SLFN13: variants seen among roughly 807,000 people sequenced by gnomAD.
SLFN13 encodes the protein schlafen family member 13, also known as schlafen-13.
A neutral mutation model predicts 50.6 loss-of-function variants in SLFN13; 43 were observed. The ratio of observed to expected loss-of-function variants is 0.85; its 90% CI spans 0.67 to 1.09. SLFN13 has a LOEUF of 1.09. Ranked by LOEUF, SLFN13 falls within the 50% of genes least tolerant of loss-of-function variation. The pLI is 0.00. For missense variants in SLFN13, 881 were observed against 1,071.1 expected (o/e 0.82, Z 2.48); for synonymous variants, 339 against 386.5 (o/e 0.88, Z 1.44).
In SLFN13 at chr17:35,445,513, T is replaced by A. The variant is rs568387218; in HGVS notation, c.168A>T (p.Ser56=). The A allele has an allele frequency of 1.9e-6, 3 of 1,614,090 alleles. No homozygotes were observed. The African/African-American group carries it at 4.0e-5, about 22-fold the overall frequency. The change falls in exon 3 of 6, where the codon TCA becomes TCT. Residue 56 remains serine, a synonymous_variant. Transcript: ENST00000285013. The stretch of plus-strand genomic sequence containing the variant: ...TTTCCATCTGAATCACTCCTCCTCC[T>A]GAGTTTAATAAAGCACACGCGGCCC... ...VIRAACALLN[S]GGGVIQMEMA...
At chr17:35,444,152 A>G (rs1428147670) in intron 3 of SLFN13, among the ~76,000 whole-genome samples, 1 of 152,130 alleles carries the variant, frequency 6.6e-6, no homozygotes, top group African/African-American at 2.4e-5. Flanking sequence ...CCCCTCTTCC[A>G]TGTTTGAATA....
At position 35,440,364 on chromosome 17, in the gene SLFN13, C is replaced by CT; in HGVS notation, c.*230dup. 5.2e-6 allele frequency: 3 copies of CT among 580,476 alleles called. No homozygotes were observed. Among genetic ancestry groups the CT allele is most frequent in the Non-Finnish European group, 9.1e-6 (3 of 328,984 alleles). 36.0% of individuals were successfully genotyped at this position (580,476 alleles called of 1,614,324 possible). ...CTTTAGAAAACCACCATCTTTCTGG[C>CT]TGCAAGAGTCAGGGGTCAGAATGGG... is the stretch of plus-strand genomic sequence containing the variant. On this transcript the variant is annotated 3_prime_UTR_variant, in exon 6 of 6. Coordinates refer to ENST00000285013, the MANE Select transcript of SLFN13 (RefSeq NM_144682.6).
rs528985270 is a variant in SLFN13 at position 35,441,034 on chromosome 17, G to T, written c.2255C>A (p.Pro752His). ...QQEMQLIIEN[P>H]PINIPHGYLA... Reference sequence around the variant, plus strand: ...ATACCCATGGGGGATATTAATTGGAGGATTTTCTATAATTAGTTGCATTTC... The same window carrying T: ...ATACCCATGGGGGATATTAATTGGATGATTTTCTATAATTAGTTGCATTTC... Residue 752 changes from proline (P) to histidine (H), a missense_variant, in exon 6 of 6, where the codon CCT (proline) becomes CAT (histidine). By Grantham distance (77) the Pro-to-His change is moderately conservative. This residue lies in a region of SLFN13 where 322 missense variants were observed against 327.4 expected (regional missense o/e 0.98). Transcript: ENST00000285013. 1 of 1,613,244 alleles carries T rather than the reference G, an allele frequency of 6.2e-7. No homozygotes were observed. The highest frequency in any genetic ancestry group is 1.3e-5 in the African/African-American group (1 of 75,008).
At chr17:35,448,375 CG>C (rs1913340158) in intron 1 of SLFN13, 1 of 152,242 alleles carries the variant, frequency 6.6e-6, no homozygotes, top group Non-Finnish European at 1.5e-5. Flanking sequence ...GTTTTGCAGC[CG>C]GAACAGGAAC....
At chr17:35,446,119 A>C in intron 2 of SLFN13, 1 of 154,410 alleles carries the variant, frequency 6.5e-6, no homozygotes. Flanking sequence ...CAGATTCTCC[A>C]TGAACATCAA....
Position 35,436,494 on chromosome 17 carries a change from C to CACACA in SLFN13, c.*4096_*4100dup, listed in dbSNP as rs1296140427. On this transcript the variant is annotated 3_prime_UTR_variant, in exon 6 of 6. Transcript: ENST00000285013. ...AACACCCCCCCTCCACACACACACA[C>CACACA]ACACACACTTTATTAATTACAAAAA... 2 of 151,886 alleles carry CACACA rather than the reference C, an allele frequency of 1.3e-5. No individual in the cohort carries two copies. Among genetic ancestry groups the CACACA allele is most frequent in the Non-Finnish European group, 2.9e-5 (2 of 67,956 alleles). 9.4% of individuals were successfully genotyped at this position (151,886 alleles called of 1,614,324 possible).
At position 35,445,405 on chromosome 17, in the gene SLFN13, C is replaced by A; in HGVS notation, c.276G>T (p.Leu92Phe). The change falls in exon 3 of 6, where the codon TTG (leucine) becomes TTT (phenylalanine). Residue 92 changes from leucine (L) to phenylalanine (F), a missense_variant. By Grantham distance (22) the Leu-to-Phe change is conservative (BLOSUM62 0). Transcript: ENST00000285013. ...SLRKLIQYPY[L>F]QAFFETKQHG... ...GTTGCTTAGTCTCAAAGAAAGCCTG[C>A]AAATATGGATACTGAATAAGCTTTC... is the stretch of plus-strand genomic sequence containing the variant. The A allele has an allele frequency of 6.2e-7, 1 of 1,614,154 alleles. No individual in the cohort carries two copies. The highest frequency in any genetic ancestry group is 8.5e-7 in the Non-Finnish European group (1 of 1,180,032).
At position 35,445,746 on chromosome 17, in the gene SLFN13, C is replaced by T; in HGVS notation, c.-13-53G>A. 4 of 1,344,526 alleles carry T rather than the reference C, an allele frequency of 3.0e-6. No individual in the cohort carries two copies. The South Asian group carries it at 4.5e-5, about 15-fold the overall frequency. 83.3% of individuals were successfully genotyped at this position (1,344,526 alleles called of 1,614,324 possible). On this transcript the variant is annotated intron_variant, in intron 2 of 5. Transcript: ENST00000285013. ...TTTTGATTAAAAAATTGTTACAGGCCTGCAATTCATTTATTAGAAAATATT... is the reference window on the plus strand; with the variant it reads ...TTTTGATTAAAAAATTGTTACAGGCTTGCAATTCATTTATTAGAAAATATT...
Position 35,441,572 on chromosome 17 carries a change from T to C in SLFN13, c.1913A>G (p.Asn638Ser). Residue 638 changes from asparagine to serine, a missense_variant, in exon 5 of 6, where the codon AAC (asparagine) becomes AGC (serine). Asn to Ser is a conservative substitution (Grantham distance 46). This residue lies in a region of SLFN13 where 322 missense variants were observed against 327.4 expected (regional missense o/e 0.98). Coordinates refer to ENST00000285013, the MANE Select transcript of SLFN13 (RefSeq NM_144682.6). The part of the protein sequence containing the change: ...LYVCENQPLR[N>S]FISDRNICRA... The stretch of plus-strand genomic sequence containing the variant: ...AGATCCAACTGCTTACCTGATAAAG[T>C]TCCTCAGAGGCTGGTTTTCACAAAC... 1.9e-6 allele frequency: 3 copies of C among 1,607,918 alleles called. No individual in the cohort carries two copies. Among genetic ancestry groups the C allele is most frequent in the Non-Finnish European group, 2.5e-6 (3 of 1,178,730 alleles).
chr17:35,437,175 T>C lies in SLFN13; in HGVS notation c.*3420A>G, dbSNP rs565633015. The C allele has an allele frequency of 6.6e-5, 10 of 152,088 alleles. No homozygotes were observed. Among genetic ancestry groups the C allele is most frequent in the Non-Finnish European group, 1.3e-4 (9 of 68,024 alleles). The allele number at this position is 152,088 out of a possible 1,614,324, so 9.4% of individuals were successfully genotyped here. ...GGCACACTGACATTTAATAACTAAT[T>C]TTAAACTTTTGATTGTTTTATTATT... On this transcript the variant is annotated 3_prime_UTR_variant, in exon 6 of 6. Transcript: ENST00000285013.
chr17:35,438,949 C>T lies in SLFN13; in HGVS notation c.*1646G>A, dbSNP rs1446539945. On this transcript the variant is annotated 3_prime_UTR_variant, in exon 6 of 6. Coordinates refer to ENST00000285013, the MANE Select transcript of SLFN13 (RefSeq NM_144682.6). ...TGATGAATGATCATACAGCTGTGTT[C>T]TCAGGCTGCAATAACAAAACACTAG... 1 of 151,154 alleles carries T rather than the reference C, an allele frequency of 6.6e-6. No individual in the cohort carries two copies. Among genetic ancestry groups the T allele is most frequent in the Non-Finnish European group, 1.5e-5 (1 of 67,958 alleles). 9.4% of individuals were successfully genotyped at this position (151,154 alleles called of 1,614,324 possible).
At position 35,445,576 on chromosome 17, in the gene SLFN13, C is replaced by T; in HGVS notation, c.105G>A (p.Gln35=). The T allele has an allele frequency of 6.2e-7, 1 of 1,614,098 alleles. No individual in the cohort carries two copies. Among genetic ancestry groups the T allele is most frequent in the Non-Finnish European group, 8.5e-7 (1 of 1,180,014 alleles). The change falls in exon 3 of 6, where the codon CAG becomes CAA. Residue 35 remains glutamine, a synonymous_variant. Coordinates refer to ENST00000285013, the MANE Select transcript of SLFN13 (RefSeq NM_144682.6). Reference sequence around the variant, plus strand: ...CCCTCTCTTGGTCTCTCTGAGTTTTCTGTAGCTTTTTTCTGTTTTCTTCTC... The same window carrying T: ...CCCTCTCTTGGTCTCTCTGAGTTTTTTGTAGCTTTTTTCTGTTTTCTTCTC... ...TLGEENRKKL[Q]KTQRDQERAR...
At chr17:35,443,682 A>G in intron 4 of SLFN13, 107 bp downstream of exon 4, 2 of 1,211,476 alleles carry the variant, frequency 1.7e-6, no homozygotes, top group Non-Finnish European at 1.1e-6. Context: ...TGGCATTGTC[A>G]CTGTGTACAC....
Position 35,435,787 on chromosome 17 carries a change from G to T in SLFN13, c.*4808C>A, listed in dbSNP as rs1053830466. 2 of 151,846 alleles carry T rather than the reference G, an allele frequency of 1.3e-5. No individual in the cohort carries two copies. Among genetic ancestry groups the T allele is most frequent in the African/African-American group, 2.4e-5 (1 of 41,330 alleles). The allele number at this position is 151,846 out of a possible 1,614,324, so 9.4% of individuals were successfully genotyped here. A position where few individuals can be genotyped will look rare whatever the true frequency, so the allele number is the denominator to read the frequency against. ...ATTAATTTTTTTTTCTTGGAGACAGGGTCTCAAACTGGCACCCAGGCTAGA... is the reference window on the plus strand; with the variant it reads ...ATTAATTTTTTTTTCTTGGAGACAGTGTCTCAAACTGGCACCCAGGCTAGA... On this transcript the variant is annotated 3_prime_UTR_variant, in exon 6 of 6. Coordinates refer to ENST00000285013, the MANE Select transcript of SLFN13 (RefSeq NM_144682.6).
rs756658128 is a variant in SLFN13 at position 35,444,927 on chromosome 17, TA to T, written c.753del (p.Asp251GlufsTer19). On this transcript the variant is annotated frameshift_variant, in exon 3 of 6. Coordinates refer to ENST00000285013, the MANE Select transcript of SLFN13 (RefSeq NM_144682.6). LOFTEE classifies it high-confidence loss of function. ...EGGYLFIGVDDKSRKVLGCAK... is the reference protein window; with the variant it reads ...EGGYLFIGVDXKSRKVLGCAK... ...GCACATCCCAGGACTTTCCTACTCT[TA>T]TCATCCACTCCAATAAAAAGATAGC... The T allele has an allele frequency of 6.2e-7, 1 of 1,614,210 alleles. No homozygotes were observed. The highest frequency in any genetic ancestry group is 1.7e-5 in the Admixed American group (1 of 60,030).
intron 4 of SLFN13, 70 bp from the exon 5 acceptor site, chr17:35,442,356 T>G (rs1197548813): frequency 4.8e-6 from 7 of 1,463,150 alleles, no homozygotes; most frequent in Non-Finnish European, 5.5e-6. Context: ...ACATGTTACA[T>G]TTAAAAGACA....
In SLFN13 at chr17:35,438,653, C is replaced by T. The variant is rs1282671633; in HGVS notation, c.*1942G>A. ...CAGATTTTGCTCAAGTTAGAAGAGC[C>T]TACAATTTCAAGGCTAGACAACTGG... On this transcript the variant is annotated 3_prime_UTR_variant, in exon 6 of 6. Transcript: ENST00000285013. 1 of 152,036 alleles carries T rather than the reference C, an allele frequency of 6.6e-6. No homozygotes were observed. Among genetic ancestry groups the T allele is most frequent in the East Asian group, 1.9e-4 (1 of 5,198 alleles). 9.4% of individuals were successfully genotyped at this position (152,036 alleles called of 1,614,324 possible). A position where few individuals can be genotyped will look rare whatever the true frequency, so the allele number is the denominator to read the frequency against.
chr17:35,449,578 T>A (rs960200728), upstream of SLFN13, among the ~76,000 whole-genome samples: 2 of 152,140 alleles, frequency 1.3e-5, no homozygotes, highest in Non-Finnish European at 2.9e-5. Context: ...CTGGCTGGAT[T>A]TGTGGCTCCG....
rs370026891 is a variant in SLFN13 at position 35,445,163 on chromosome 17, C to T, written c.518G>A (p.Ser173Asn). 8.1e-6 allele frequency: 13 copies of T among 1,613,072 alleles called. No homozygotes were observed. The African/African-American group carries it at 1.7e-4, about 22-fold the overall frequency. ...CTGGTATACAGCTTTCATAATTTTA[C>T]TAGGTGGAGACCCTTCATTAATCAG... ...YNLINEGSPP[S>N]KIMKAVYQNI... Residue 173 changes from serine to asparagine, a missense_variant, in exon 3 of 6, where the codon AGT (serine) becomes AAT (asparagine). This residue lies in a region of SLFN13 where 497 missense variants were observed against 518.3 expected (regional missense o/e 0.96). Transcript: ENST00000285013.
Sources: gnomAD v4.1 joint callset for allele counts (sites outside exome capture counted in the v4.1 genomes callset) on GRCh38, gnomAD v4.1.1 for gene constraint, gnomAD v4.1.1 regional missense constraint, MANE v1.5 for transcripts, NCBI Gene and HGNC (gene_info 2026-07-23, HGNC 2026-07-21) for gene names.